The following TUBGCP3 variants were observed in gnomAD, a reference collection of about 807,000 sequenced individuals.
TUBGCP3 encodes the protein tubulin gamma complex component 3.
Under a neutral mutation model 123.1 loss-of-function variants are expected in TUBGCP3, and 50 were observed. That is an observed-to-expected ratio of 0.41 (90% CI 0.32 to 0.51). TUBGCP3 has a LOEUF of 0.51. TUBGCP3 is among the 20% of genes least tolerant of loss of function. The pLI is 0.36. For missense variants in TUBGCP3, 882 were observed against 1,127.0 expected, an observed-to-expected ratio of 0.78 and a Z score of 3.11; for synonymous variants, 405 against 413.9, an observed-to-expected ratio of 0.98 and a Z score of 0.26.
intron 11 of TUBGCP3, among the ~76,000 whole-genome samples, chr13:112,528,875 A>G (rs1877341159): frequency 6.6e-6 from 1 of 151,904 alleles, no homozygotes; most frequent in South Asian, 2.1e-4. Context: ...TTTTTGAGAC[A>G]GGGTCTCACT....
intron 3 of TUBGCP3, among the ~76,000 whole-genome samples, chr13:112,564,584 G>A (rs1208812701): frequency 1.3e-5 from 2 of 152,156 alleles, no homozygotes; most frequent in Non-Finnish European, 2.9e-5. Flanking sequence ...GGGAGGCCCA[G>A]GCAGGAGGAT....
chr13:112,569,109 G>T, intron 2 of TUBGCP3, 43 bp downstream of exon 2: 1 of 1,589,682 alleles, frequency 6.3e-7, no homozygotes, highest in South Asian at 1.1e-5. Flanking sequence ...AAGCTCTGAC[G>T]AGTTTAAGAA....
rs774193690 is a variant in TUBGCP3, at chr13:112,554,213, T to G, written c.841-31A>C. On this transcript the variant is annotated intron_variant, in intron 7 of 21. Coordinates refer to ENST00000261965, the MANE Select transcript of TUBGCP3 (RefSeq NM_006322.6). The stretch of plus-strand genomic sequence containing the variant: ...AAGTAAATACATCAAATGTTAAACA[T>G]TAAAAAGCAATACTAGAGCTTTAAT... 13 of 1,610,352 alleles carry G rather than the reference T, an allele frequency of 8.1e-6. No homozygotes were observed. In the South Asian group the frequency reaches 1.4e-4, roughly 18 times the overall value.
upstream of TUBGCP3, among the ~76,000 whole-genome samples, chr13:112,590,962 G>A (rs184701639): frequency 4.3e-4 from 65 of 152,262 alleles, no homozygotes; most frequent in Admixed American, 4.1e-3. Flanking sequence ...ATTGTAAATC[G>A]ATGATATTAA....
rs368851031 is a variant in TUBGCP3 at position 112,519,195 on chromosome 13, C to T, written c.1882-152G>A. On this transcript the variant is annotated intron_variant, in intron 15 of 21. Transcript: ENST00000261965. This position sits in a 1 kb window ranked among gnomAD's most constrained non-coding sequence, Gnocchi z 6.2. The stretch of plus-strand genomic sequence containing the variant: ...CTTCTTGTTAACTTCTACAACCTCA[C>T]CAATTAGGCAATAATGAGCACACAG... The T allele has an allele frequency of 4.1e-5, 27 of 656,976 alleles. No individual in the cohort carries two copies. Among genetic ancestry groups the T allele is most frequent in the East Asian group, 1.9e-4 (7 of 36,482 alleles). The allele number at this position is 656,976 out of a possible 1,614,324, so 40.7% of individuals were successfully genotyped here. A position where few individuals can be genotyped will look rare whatever the true frequency, so the allele number is the denominator to read the frequency against.
intron 16 of TUBGCP3, among the ~76,000 whole-genome samples, chr13:112,518,725 T>C (rs923504822): frequency 1.3e-5 from 2 of 152,184 alleles, no homozygotes; most frequent in Non-Finnish European, 2.9e-5. Context: ...TATTAAGGAG[T>C]TGCTGAAACC....
chr13:112,519,918 T>C lies in TUBGCP3; in HGVS notation c.1849A>G (p.Ile617Val). The change falls in exon 15 of 22, where the codon ATC (isoleucine) becomes GTC (valine). Residue 617 changes from isoleucine to valine, a missense_variant. Ile to Val is a conservative substitution (Grantham distance 29). Coordinates refer to ENST00000261965, the MANE Select transcript of TUBGCP3 (RefSeq NM_006322.6). The surrounding 1 kb of genome is among the most constrained non-coding windows in gnomAD (Gnocchi z 6.2). ...ATNAQFDSPE[I>V]LRRLDVRLLE... ...AGCCGCACGTCCAGCCTTCGCAGGATCTCAGGACTGTCAAACTGTGCGTTG... is the reference window on the plus strand; with the variant it reads ...AGCCGCACGTCCAGCCTTCGCAGGACCTCAGGACTGTCAAACTGTGCGTTG... 6.2e-7 allele frequency: 1 copy of C among 1,613,978 alleles called. No homozygotes were observed. Among genetic ancestry groups the C allele is most frequent in the Non-Finnish European group, 8.5e-7 (1 of 1,179,858 alleles).
At chr13:112,490,465 G>A (rs1170469012) in intron 20 of TUBGCP3, among the ~76,000 whole-genome samples, 1 of 152,158 alleles carries the variant, frequency 6.6e-6, no homozygotes, top group Non-Finnish European at 1.5e-5. Flanking sequence ...ATGTTGGCCA[G>A]GCTTGTCTCG....
chr13:112,502,248 G>A (rs1333324359), intron 19 of TUBGCP3, among the ~76,000 whole-genome samples: 2 of 152,232 alleles, frequency 1.3e-5, no homozygotes, highest in Non-Finnish European at 2.9e-5. Flanking sequence ...CAAAAGCTAT[G>A]AAGTGAAACT....
At chr13:112,518,218 G>A (rs901808506) in intron 16 of TUBGCP3, among the ~76,000 whole-genome samples, 1 of 152,150 alleles carries the variant, frequency 6.6e-6, no homozygotes, top group Non-Finnish European at 1.5e-5. Flanking sequence ...TTGCAGCAGC[G>A]TGATATGCAC....
chr13:112,563,016 G>A (rs972256857), intron 3 of TUBGCP3, among the ~76,000 whole-genome samples: 7 of 152,166 alleles, frequency 4.6e-5, no homozygotes, highest in Non-Finnish European at 8.8e-5. Flanking sequence ...TGCCCGGGCA[G>A]TGCAGATGCA....
chr13:112,589,206 C>T (rs144503135), upstream of TUBGCP3, among the ~76,000 whole-genome samples: 906 of 152,348 alleles, frequency 5.9e-3, 11 homozygotes, highest in African/African-American at 0.021. Flanking sequence ...TAACTGGCTT[C>T]TCATGAAGTT....
chr13:112,513,521 T>A (rs948763045), intron 17 of TUBGCP3, among the ~76,000 whole-genome samples: 1 of 152,236 alleles, frequency 6.6e-6, no homozygotes, highest in Non-Finnish European at 1.5e-5. Flanking sequence ...TAACTGTTGA[T>A]ACTTTAAGTA....
chr13:112,530,655 C>T (rs763676205), intron 11 of TUBGCP3, among the ~76,000 whole-genome samples: 5 of 152,184 alleles, frequency 3.3e-5, no homozygotes, highest in East Asian at 1.9e-4. Flanking sequence ...CAATTCCCCT[C>T]GTAATCCATG....
At chr13:112,492,156 GTCC>G (rs1198149433) in intron 20 of TUBGCP3, among the ~76,000 whole-genome samples, 1 of 152,034 alleles carries the variant, frequency 6.6e-6, no homozygotes, top group Non-Finnish European at 1.5e-5. Context: ...AATAATTATT[GTCC>G]TCCTTCCTTT....
chr13:112,545,490 C>G lies in TUBGCP3; in HGVS notation c.1335+209G>C. 1.9e-6 allele frequency: 1 copy of G among 537,288 alleles called. No homozygotes were observed. The highest frequency in any genetic ancestry group is 3.3e-6 in the Non-Finnish European group (1 of 306,810). 33.3% of individuals were successfully genotyped at this position (537,288 alleles called of 1,614,324 possible). On this transcript the variant is annotated intron_variant, in intron 11 of 21. Coordinates refer to ENST00000261965, the MANE Select transcript of TUBGCP3 (RefSeq NM_006322.6). The surrounding 1 kb of genome is among the most constrained non-coding windows in gnomAD (Gnocchi z 4.1). ...CTGAGGAATAAACTGGGACAATTCT[C>G]CACTAACCAAAGAACTCGTGAACTT...
At chr13:112,585,376 A>G (rs1392986784) in intron 1 of TUBGCP3, among the ~76,000 whole-genome samples, 4 of 152,252 alleles carry the variant, frequency 2.6e-5, no homozygotes, top group Non-Finnish European at 5.9e-5. Flanking sequence ...TAGCAGCATA[A>G]TTTAAAATTA....
the TUBGCP3 span, among the ~76,000 whole-genome samples, chr13:112,600,646 T>C: frequency 9.4e-3 from 1,426 of 152,266 alleles, 22 homozygotes; most frequent in African/African-American, 0.032. Context: ...TAAAAAAAAT[T>C]GGAATTAATT....
chr13:112,597,377 C>G, the TUBGCP3 span, among the ~76,000 whole-genome samples: 1 of 152,104 alleles, frequency 6.6e-6, no homozygotes, highest in Non-Finnish European at 1.5e-5. Context: ...ACATAAATCC[C>G]CATTAGAGAA....
Sources: gnomAD v4.1 joint callset for allele counts (sites outside exome capture counted in the v4.1 genomes callset) on GRCh38, gnomAD v4.1.1 for gene constraint, Gnocchi (gnomAD v3.1) non-coding constraint, MANE v1.5 for transcripts, NCBI Gene and HGNC (gene_info 2026-07-23, HGNC 2026-07-21) for gene names.